The following POLR1H variants were observed in gnomAD, a reference collection of about 807,000 sequenced individuals.
POLR1H encodes RNA polymerase I subunit H.
A neutral mutation model predicts 15.8 loss-of-function variants in POLR1H; 5 were observed. The observed-to-expected ratio is 0.32, with a 90% CI of 0.17 to 0.67. The LOEUF (loss-of-function observed/expected upper bound fraction) is 0.67, where lower values mean the gene tolerates loss of function less well. Ranked by LOEUF, POLR1H falls within the 30% of genes least tolerant of loss-of-function variation. The pLI, the probability that POLR1H is intolerant of heterozygous loss-of-function variation, is 0.74. For synonymous variants in POLR1H, 43 were observed against 58.3 expected, an observed-to-expected ratio of 0.74 and a Z score of 1.20; for missense variants, 100 against 163.4, an observed-to-expected ratio of 0.61 and a Z score of 2.11.
chr6:30,062,301 G>A lies in POLR1H; in HGVS notation c.324G>A (p.Gly108=). Residue 108 remains glycine, a synonymous_variant, in exon 3 of 4, where the codon GGG becomes GGA. Transcript: ENST00000332435. ...GACAGATGCGTTCAGCCGATGAAGGGCAAACTGTCTTCTACACCTGTACCA... is the reference window on the plus strand; with the variant it reads ...GACAGATGCGTTCAGCCGATGAAGGACAAACTGTCTTCTACACCTGTACCA... ...HTRQMRSADE[G]QTVFYTCTNC... 2 of 1,612,906 alleles carry A rather than the reference G, an allele frequency of 1.2e-6. No individual in the cohort carries two copies. Among genetic ancestry groups the A allele is most frequent in the Middle Eastern group, 1.6e-4 (1 of 6,062 alleles).
In POLR1H at chr6:30,061,721, T is replaced by C; in HGVS notation, c.145+52T>C. 3.1e-6 allele frequency: 5 copies of C among 1,608,728 alleles called. No homozygotes were observed. The highest frequency in any genetic ancestry group is 4.2e-6 in the Non-Finnish European group (5 of 1,177,028). ...GGCGGAGGGCGCAGGGTCGGAAGCT[T>C]GGGGAACTCAAGATCGGTTGGGTTG... On this transcript the variant is annotated intron_variant, in intron 1 of 3. Transcript: ENST00000332435. The surrounding 1 kb of genome is among the most constrained non-coding windows in gnomAD (Gnocchi z 5.0).
upstream of POLR1H, chr6:30,060,490 A>C (rs1421461139): frequency 6.6e-6 from 1 of 152,238 alleles, no homozygotes. Context: ...CGGCAGGCAC[A>C]ACTAAAAGCC....
In POLR1H at chr6:30,064,664, T is replaced by C; in HGVS notation, c.357-9T>C. The C allele has an allele frequency of 6.2e-7, 1 of 1,607,142 alleles. No homozygotes were observed. The highest frequency in any genetic ancestry group is 1.7e-5 in the Admixed American group (1 of 59,100). ...TGGTGAATATAACAAGTCCTTTCTT[T>C]CCTCATAGGTTCCAGGAGAAGGAAG... On this transcript the variant is annotated splice_polypyrimidine_tract_variant and intron_variant, in intron 3 of 3. Transcript: ENST00000332435.
At chr6:30,061,212 C>G (rs934346450), upstream of POLR1H, 1 of 313,924 alleles carries the variant, frequency 3.2e-6, no homozygotes, top group Non-Finnish European at 5.9e-6. This position sits in a 1 kb window ranked among gnomAD's most constrained non-coding sequence, Gnocchi z 5.0. Flanking sequence ...CAATCGTCAA[C>G]GCGAAAGCCT....
Position 30,064,756 on chromosome 6 carries a change from G to T in POLR1H, c.*59G>T. 1 of 1,483,696 alleles carries T rather than the reference G, an allele frequency of 6.7e-7. No homozygotes were observed. Among genetic ancestry groups the T allele is most frequent in the South Asian group, 1.2e-5 (1 of 84,786 alleles). 91.9% of individuals were successfully genotyped at this position (1,483,696 alleles called of 1,614,324 possible). A position where few individuals can be genotyped will look rare whatever the true frequency, so the allele number is the denominator to read the frequency against. The stretch of plus-strand genomic sequence containing the variant: ...CCTTTCGGAAGGTGAAGGATACTGG[G>T]TTTTTAGATGCCTTGTCCATCCTGT... On this transcript the variant is annotated 3_prime_UTR_variant, in exon 4 of 4. Transcript: ENST00000332435.
intron 3 of POLR1H, among the ~76,000 whole-genome samples, chr6:30,062,861 C>A (rs1366151122): frequency 2.0e-5 from 3 of 150,232 alleles, no homozygotes; most frequent in African/African-American, 4.9e-5. Flanking sequence ...CATGAGCCAC[C>A]CCGCCTGACC....
Position 30,061,817 on chromosome 6 carries a change from A to T in POLR1H, c.146-100A>T, listed in dbSNP as rs532675285. The T allele has an allele frequency of 6.5e-7, 1 of 1,546,012 alleles. No homozygotes were observed. Among genetic ancestry groups the T allele is most frequent in the East Asian group, 2.2e-5 (1 of 44,484 alleles). On this transcript the variant is annotated intron_variant, in intron 1 of 3. Coordinates refer to ENST00000332435, the MANE Select transcript of POLR1H (RefSeq NM_170783.4). This position sits in a 1 kb window ranked among gnomAD's most constrained non-coding sequence, Gnocchi z 5.0. ...CTAGCGATGAAAACTGAGGGAAAGG[A>T]TGTAGGGCCTCCTGGCCTAACCAGC...
intron 3 of POLR1H, among the ~76,000 whole-genome samples, chr6:30,064,285 A>T: frequency 6.7e-6 from 1 of 150,266 alleles, no homozygotes; most frequent in Non-Finnish European, 1.5e-5. Flanking sequence ...ACTGGTTGTC[A>T]TTTTACCAAA....
At position 30,063,198 on chromosome 6, in the gene POLR1H, A is replaced by G. The variant is rs1765256155; in HGVS notation, c.356+865A>G. ...AAATTATCAGCCATCATCTCTTTTA[A>G]TATTCTCTTTCCCCCATGTTCTCAG... On this transcript the variant is annotated intron_variant, in intron 3 of 3. Coordinates refer to ENST00000332435, the MANE Select transcript of POLR1H (RefSeq NM_170783.4). This position sits in a 1 kb window ranked among gnomAD's most constrained non-coding sequence, Gnocchi z 4.1. Among the ~76,000 whole-genome samples the G allele has an allele frequency of 6.6e-6, 1 of 151,918 alleles. No homozygotes were observed.
chr6:30,061,002 G>A (rs926524708), upstream of POLR1H: 2 of 152,718 alleles, frequency 1.3e-5, no homozygotes, highest in Non-Finnish European at 2.9e-5. This position sits in a 1 kb window ranked among gnomAD's most constrained non-coding sequence, Gnocchi z 5.0. Flanking sequence ...GTTCCTGTAG[G>A]ATGTGAGACA....
In POLR1H at chr6:30,061,549, ACTTG is replaced by A; in HGVS notation, c.28_31del (p.Cys10ProfsTer45). 1 of 1,613,002 alleles carries A rather than the reference ACTTG, an allele frequency of 6.2e-7. No homozygotes were observed. On this transcript the variant is annotated frameshift_variant, in exon 1 of 4. Transcript: ENST00000332435. LOFTEE classifies it high-confidence loss of function. The surrounding 1 kb of genome is among the most constrained non-coding windows in gnomAD (Gnocchi z 5.0). Reference sequence around the variant, plus strand: ...CATGTCTGTCATGGACCTCGCCAATACTTGCTCCAGCTTTCAGTCGGACCTGGAT... The same window carrying A: ...CATGTCTGTCATGGACCTCGCCAATACTCCAGCTTTCAGTCGGACCTGGAT...
At chr6:30,062,101 G>A in intron 2 of POLR1H, 84 bp downstream of exon 2, 1 of 1,485,670 alleles carries the variant, frequency 6.7e-7, no homozygotes, top group Admixed American at 1.7e-5. Context: ...GGAGAGTTTT[G>A]TGCCCAATTC....
intron 2 of POLR1H, 100 bp from the exon 3 acceptor site, chr6:30,062,124 G>A: frequency 6.9e-7 from 1 of 1,453,202 alleles, no homozygotes; most frequent in Non-Finnish European, 9.7e-7. Context: ...AGAGGGAAAA[G>A]AGATGTAAAC....
At position 30,061,889 on chromosome 6, in the gene POLR1H, C is replaced by T; in HGVS notation, c.146-28C>T. 1 of 1,606,536 alleles carries T rather than the reference C, an allele frequency of 6.2e-7. No individual in the cohort carries two copies. The highest frequency in any genetic ancestry group is 8.5e-7 in the Non-Finnish European group (1 of 1,174,086). ...GGTGTCAGCTCTCTCTGGTTGTCTC[C>T]ATAACCAGTTCTTACTTGCCTGTGC... On this transcript the variant is annotated intron_variant, in intron 1 of 3. Coordinates refer to ENST00000332435, the MANE Select transcript of POLR1H (RefSeq NM_170783.4). This position sits in a 1 kb window ranked among gnomAD's most constrained non-coding sequence, Gnocchi z 5.0.
chr6:30,061,264 C>G (rs1561958665), upstream of POLR1H: 13 of 397,264 alleles, frequency 3.3e-5, no homozygotes, highest in Middle Eastern at 1.9e-3. The surrounding 1 kb of genome is among the most constrained non-coding windows in gnomAD (Gnocchi z 5.0). Context: ...GCCGCGGGCG[C>G]AGAGCTGGCG....
In POLR1H at chr6:30,061,598, C is replaced by G; in HGVS notation, c.74C>G (p.Ser25Trp). 1.2e-6 allele frequency: 2 copies of G among 1,613,062 alleles called. No homozygotes were observed. The highest frequency in any genetic ancestry group is 2.2e-5 in the South Asian group (2 of 91,088). The change falls in exon 1 of 4, where the codon TCG (serine) becomes TGG (tryptophan). Residue 25 changes from serine (S) to tryptophan (W), a missense_variant. Physicochemically the swap from Ser to Trp is radical, Grantham distance 177. Coordinates refer to ENST00000332435, the MANE Select transcript of POLR1H (RefSeq NM_170783.4). The surrounding 1 kb of genome is among the most constrained non-coding windows in gnomAD (Gnocchi z 5.0). ...SDLDFCSDCGSVLPLPGAQDT... is the reference protein window; with the variant it reads ...SDLDFCSDCGWVLPLPGAQDT... The stretch of plus-strand genomic sequence containing the variant: ...CTGGATTTCTGTTCAGATTGCGGCT[C>G]GGTCCTGCCTCTGCCCGGGGCTCAG...
rs1389579463 is a variant in POLR1H, at chr6:30,063,623, GCTGT to G, written c.357-1047_357-1044del. ...TCTGATGCTGCTGTCTTTTGTTTCTGCTGTCTCTCTCATAGTGCTTTTTTTCTTT... is the reference window on the plus strand; with the variant it reads ...TCTGATGCTGCTGTCTTTTGTTTCTGCTCTCTCATAGTGCTTTTTTTCTTT... On this transcript the variant is annotated intron_variant, in intron 3 of 3. Coordinates refer to ENST00000332435, the MANE Select transcript of POLR1H (RefSeq NM_170783.4). The surrounding 1 kb of genome is among the most constrained non-coding windows in gnomAD (Gnocchi z 4.1). Among the ~76,000 whole-genome samples, 2 of 151,824 alleles carry G rather than the reference GCTGT, an allele frequency of 1.3e-5. No individual in the cohort carries two copies. Among genetic ancestry groups the G allele is most frequent in the Non-Finnish European group, 2.9e-5 (2 of 67,996 alleles).
At position 30,061,719 on chromosome 6, in the gene POLR1H, C is replaced by T. The variant is rs758174026; in HGVS notation, c.145+50C>T. 6.2e-7 allele frequency: 1 copy of T among 1,608,694 alleles called. No homozygotes were observed. The highest frequency in any genetic ancestry group is 8.5e-7 in the Non-Finnish European group (1 of 1,177,022). On this transcript the variant is annotated intron_variant, in intron 1 of 3. Transcript: ENST00000332435. This position sits in a 1 kb window ranked among gnomAD's most constrained non-coding sequence, Gnocchi z 5.0. ...CTGGCGGAGGGCGCAGGGTCGGAAG[C>T]TTGGGGAACTCAAGATCGGTTGGGT... is the stretch of plus-strand genomic sequence containing the variant.
chr6:30,061,200 G>A (rs981208571), upstream of POLR1H: 4 of 288,304 alleles, frequency 1.4e-5, no homozygotes, highest in African/African-American at 2.2e-5. The surrounding 1 kb of genome is among the most constrained non-coding windows in gnomAD (Gnocchi z 5.0). Context: ...TGACGTCACA[G>A]CCAATCGTCA....
Sources: allele counts gnomAD v4.1 joint callset (sites outside exome capture counted in the v4.1 genomes callset), GRCh38; gene constraint gnomAD v4.1.1; non-coding constraint Gnocchi (gnomAD v3.1); transcripts MANE v1.5; gene names NCBI Gene and HGNC (gene_info 2026-07-23, HGNC 2026-07-21).